The following AMMECR1 variants were observed in gnomAD, a reference collection of about 807,000 sequenced individuals.
The protein encoded by AMMECR1 is AMMECR nuclear protein 1, also known as nuclear protein AMMECR1.
In AMMECR1, 3 loss-of-function variants were observed where a neutral mutation model predicts 22.5. The ratio of observed to expected loss-of-function variants is 0.13; its 90% CI spans 0.06 to 0.35. AMMECR1 has a LOEUF of 0.35. Ranked by LOEUF, AMMECR1 falls within the 10% of genes least tolerant of loss-of-function variation. The pLI is 1.00. For synonymous variants in AMMECR1, 130 were observed against 116.7 expected (o/e 1.11, Z -0.74); for missense variants, 235 against 278.7 (o/e 0.84, Z 1.12).
At chrX:110,268,932 G>A (rs765940717) in intron 1 of AMMECR1, among the ~76,000 whole-genome samples, 9 of 111,862 alleles carry the variant, frequency 8.0e-5, no homozygotes, top group Admixed American at 3.8e-4. Context: ...AACTAGAAGA[G>A]GGCTCAAAAT....
At chrX:110,251,966 T>C (rs907699962) in intron 2 of AMMECR1, among the ~76,000 whole-genome samples, 4 of 112,210 alleles carry the variant, frequency 3.6e-5, no homozygotes, top group African/African-American at 6.5e-5. Context: ...TTGGCCATTC[T>C]CACTACTTAA....
chrX:110,269,990 C>G (rs1272661076), intron 1 of AMMECR1, among the ~76,000 whole-genome samples: 1 of 111,589 alleles, frequency 9.0e-6, no homozygotes, highest in Non-Finnish European at 1.9e-5. Context: ...TAAAGGCTCT[C>G]TTCCTTTACT....
At chrX:110,248,805 C>T (rs930108382) in intron 2 of AMMECR1, among the ~76,000 whole-genome samples, 5 of 111,959 alleles carry the variant, frequency 4.5e-5, no homozygotes, top group African/African-American at 6.5e-5. Flanking sequence ...TGAATCCTTC[C>T]CCCGAGGCTC....
chrX:110,317,170 C>T (rs2068052612), intron 1 of AMMECR1, among the ~76,000 whole-genome samples: 1 of 111,221 alleles, frequency 9.0e-6, no homozygotes, highest in African/African-American at 3.3e-5. Context: ...AGTAGTTCTC[C>T]ATGTGCAAGA....
At chrX:110,415,928 A>T in intron 2 of AMMECR1, among the ~76,000 whole-genome samples, 1 of 110,224 alleles carries the variant, frequency 9.1e-6, no homozygotes, top group Non-Finnish European at 1.9e-5. Flanking sequence ...TTTCATTGGC[A>T]AAATGATGAA....
At chrX:110,335,640 C>T (rs921250169) in intron 2 of AMMECR1, among the ~76,000 whole-genome samples, 66 of 112,019 alleles carry the variant, frequency 5.9e-4, no homozygotes, top group African/African-American at 2.0e-3. Context: ...CAGTGTTGTA[C>T]TTTACCATAT....
chrX:110,215,340 GT>G (rs201054585), intron 3 of AMMECR1, among the ~76,000 whole-genome samples: 2 of 110,876 alleles, frequency 1.8e-5, no homozygotes, highest in African/African-American at 6.6e-5. Context: ...ATATCATAGA[GT>G]TTTTTTTCAA....
At chrX:110,369,936 G>C (rs761077296) in intron 2 of AMMECR1, among the ~76,000 whole-genome samples, 2 of 110,939 alleles carry the variant, frequency 1.8e-5, no homozygotes, top group Non-Finnish European at 3.8e-5. Flanking sequence ...ACTTGTGTGC[G>C]TGTGTACATG....
At position 110,214,974 on chromosome X, in the gene AMMECR1, A is replaced by T. The variant is rs150586867; in HGVS notation, c.699+1544T>A. ...CTATAATATATGTTAATAAGTAGGG[A>T]ACATGATTTGGGGCTGTTTAAAAAT... On this transcript the variant is annotated intron_variant, in intron 3 of 5. Transcript: ENST00000262844. 4.4e-4 allele frequency among the ~76,000 whole-genome samples: 49 copies of T among 111,896 alleles called. 1 individual carries two copies. Among genetic ancestry groups the T allele is most frequent in the African/African-American group, 1.5e-3 (46 of 30,819 alleles).
At chrX:110,234,782 G>A (rs1289908855) in intron 2 of AMMECR1, among the ~76,000 whole-genome samples, 1 of 111,757 alleles carries the variant, frequency 8.9e-6, no homozygotes, top group African/African-American at 3.3e-5. Context: ...GCCATATGTA[G>A]AGAGCTGAAA....
At chrX:110,379,216 G>A (rs1008828368) in intron 2 of AMMECR1, among the ~76,000 whole-genome samples, 2 of 112,037 alleles carry the variant, frequency 1.8e-5, no homozygotes, top group Non-Finnish European at 3.8e-5. Flanking sequence ...AGCTTTCAAG[G>A]AGAGTCTTTA....
Position 110,197,605 on chromosome X carries a change from T to C in AMMECR1, c.*915A>G, listed in dbSNP as rs1208565319. The C allele has an allele frequency of 8.9e-6, 1 of 112,162 alleles. No homozygotes were observed. The highest frequency in any genetic ancestry group is 3.2e-5 in the African/African-American group (1 of 30,890). 9.2% of individuals were successfully genotyped at this position (112,162 alleles called of 1,213,427 possible). Reference sequence around the variant, plus strand: ...ACAAGAATATTTTTCTAAATTGCCTTTTTTCTAACCCCTCTTAATTCCACT... The same window carrying C: ...ACAAGAATATTTTTCTAAATTGCCTCTTTTCTAACCCCTCTTAATTCCACT... On this transcript the variant is annotated 3_prime_UTR_variant, in exon 6 of 6. Coordinates refer to ENST00000262844, the MANE Select transcript of AMMECR1 (RefSeq NM_015365.3).
intron 1 of AMMECR1, among the ~76,000 whole-genome samples, chrX:110,431,245 C>G (rs914461857): frequency 1.8e-5 from 2 of 110,695 alleles, no homozygotes; most frequent in African/African-American, 6.6e-5. Flanking sequence ...TCAATATTTA[C>G]CTGGGGGTTT....
At chrX:110,343,037 A>C (rs1215748538) in intron 2 of AMMECR1, among the ~76,000 whole-genome samples, 3 of 111,421 alleles carry the variant, frequency 2.7e-5, no homozygotes, top group African/African-American at 6.5e-5. Flanking sequence ...GAGACACAAC[A>C]AAAAAAGAGA....
At chrX:110,286,519 A>T (rs1170378515) in intron 1 of AMMECR1, among the ~76,000 whole-genome samples, 1 of 108,315 alleles carries the variant, frequency 9.2e-6, no homozygotes, top group Non-Finnish European at 1.9e-5. Context: ...AAAATTTACA[A>T]AAATTAGCCA....
chrX:110,295,547 T>G (rs1220817846), intron 1 of AMMECR1, among the ~76,000 whole-genome samples: 2 of 112,023 alleles, frequency 1.8e-5, no homozygotes, highest in South Asian at 7.4e-4. Flanking sequence ...GTACCAAATA[T>G]TCTACTTAGG....
At chrX:110,318,629 C>T (rs948668659), upstream of AMMECR1, among the ~76,000 whole-genome samples, 1 of 111,252 alleles carries the variant, frequency 9.0e-6, no homozygotes, top group Non-Finnish European at 1.9e-5. Flanking sequence ...GCCTCAAATA[C>T]ACGGGTTTCT....
chrX:110,383,463 G>C (rs1352140025), intron 2 of AMMECR1, among the ~76,000 whole-genome samples: 1 of 111,060 alleles, frequency 9.0e-6, no homozygotes, highest in East Asian at 2.8e-4. Context: ...TTCTTCTACT[G>C]TATATAAGGT....
chrX:110,379,075 T>C (rs925315369), intron 2 of AMMECR1, among the ~76,000 whole-genome samples: 1 of 112,130 alleles, frequency 8.9e-6, no homozygotes, highest in African/African-American at 3.2e-5. Flanking sequence ...TTTGGAGACC[T>C]TTCCCTGATT....
Sources: allele counts gnomAD v4.1 joint callset (sites outside exome capture counted in the v4.1 genomes callset), GRCh38; gene constraint gnomAD v4.1.1; transcripts MANE v1.5; gene names NCBI Gene and HGNC (gene_info 2026-07-23, HGNC 2026-07-21).